NFATC2: variants seen among roughly 807,000 people sequenced by gnomAD.
NFATC2 encodes the protein nuclear factor of activated T-cells, cytoplasmic 2.
Under a neutral mutation model 87.3 loss-of-function variants are expected in NFATC2, and 22 were observed. The ratio of observed to expected loss-of-function variants is 0.25; its 90% CI spans 0.18 to 0.36. The LOEUF is 0.36. Among genes scored for constraint, NFATC2 ranks in the 10% least tolerant of loss-of-function variants. NFATC2 has a pLI of 1.00. For synonymous variants in NFATC2, 565 were observed against 542.2 expected (o/e 1.04, Z -0.58); for missense variants, 1,149 against 1,259.1 (o/e 0.91, Z 1.32).
chr20:51,435,803 G>C (rs773067347), intron 6 of NFATC2, 42 bp from the exon 7 acceptor site: 5 of 1,532,908 alleles, frequency 3.3e-6, no homozygotes, highest in Admixed American at 3.8e-5. Flanking sequence ...GGAACTATTA[G>C]AAACCAAAGA....
At chr20:51,549,227 A>G (rs1377722201) in intron 1 of NFATC2, among the ~76,000 whole-genome samples, 1 of 151,816 alleles carries the variant, frequency 6.6e-6, no homozygotes, top group African/African-American at 2.4e-5. Context: ...CTGTTATAGA[A>G]AATATGTAAA....
chr20:51,534,125 A>G (rs974834090), intron 1 of NFATC2, among the ~76,000 whole-genome samples: 1 of 152,126 alleles, frequency 6.6e-6, no homozygotes, highest in Non-Finnish European at 1.5e-5. Flanking sequence ...CCCTGGAGAT[A>G]GCTACTCCGA....
intron 5 of NFATC2, among the ~76,000 whole-genome samples, chr20:51,468,787 C>T (rs1281944227): frequency 6.6e-6 from 1 of 152,216 alleles, no homozygotes; most frequent in Non-Finnish European, 1.5e-5. Context: ...CAAAGGGGGG[C>T]ACCCCGTACC....
At chr20:51,496,075 C>G (rs998474373) in intron 3 of NFATC2, among the ~76,000 whole-genome samples, 6 of 152,068 alleles carry the variant, frequency 3.9e-5, no homozygotes, top group Non-Finnish European at 8.8e-5. Context: ...CAACAAGATG[C>G]CCAGAGGAGC....
upstream of NFATC2, among the ~76,000 whole-genome samples, chr20:51,545,574 T>A (rs1459762759): frequency 2.6e-5 from 4 of 152,048 alleles, no homozygotes; most frequent in Admixed American, 6.6e-5. Flanking sequence ...GAATGGAAGA[T>A]GGATGCATGG....
intron 7 of NFATC2, 127 bp downstream of exon 7, chr20:51,435,579 T>A: frequency 9.7e-7 from 1 of 1,032,078 alleles, no homozygotes; most frequent in Non-Finnish European, 1.4e-6. Context: ...AATATGCACA[T>A]ATTGAGTACC....
chr20:51,487,883 T>G (rs1206381209), intron 3 of NFATC2, among the ~76,000 whole-genome samples: 3 of 152,150 alleles, frequency 2.0e-5, no homozygotes, highest in Non-Finnish European at 4.4e-5. Flanking sequence ...AGATCCAGTT[T>G]CTTTCATTTC....
chr20:51,432,246 G>A lies in NFATC2; in HGVS notation c.2543C>T (p.Pro848Leu), dbSNP rs145231526. 1,025 of 1,614,168 alleles carry A rather than the reference G, an allele frequency of 6.4e-4. 4 individuals are homozygous for A. In the African/African-American group the frequency reaches 8.2e-3, roughly 13 times the overall value. Residue 848 changes from proline (P) to leucine (L), a missense_variant, in exon 9 of 11, where the codon CCG (proline) becomes CTG (leucine). By Grantham distance (98) the Pro-to-Leu change is moderately conservative. Around this residue, in one of 3 missense-constraint regions of NFATC2, gnomAD observed 581 missense variants for 649.7 expected, o/e 0.89. Coordinates refer to ENST00000371564, the MANE Select transcript of NFATC2 (RefSeq NM_012340.5). The surrounding 1 kb of genome is among the most constrained non-coding windows in gnomAD (Gnocchi z 4.6). Reference sequence around the variant, plus strand: ...GCTCAGCCTCTGACCTTGACTGACCGGGGGCGGGCCAGGTCTGGTGGTGCC... The same window carrying A: ...GCTCAGCCTCTGACCTTGACTGACCAGGGGCGGGCCAGGTCTGGTGGTGCC... ...APGTTRPGPP[P>L]VSQGQRLSPG...
intron 3 of NFATC2, among the ~76,000 whole-genome samples, chr20:51,494,592 G>A (rs2075957503): frequency 6.6e-6 from 1 of 151,998 alleles, no homozygotes; most frequent in Admixed American, 6.6e-5. Flanking sequence ...TGAATCCTAG[G>A]GCTGAGAACC....
intron 6 of NFATC2, among the ~76,000 whole-genome samples, chr20:51,441,367 A>G (rs1324091227): frequency 6.6e-6 from 1 of 152,136 alleles, no homozygotes; most frequent in Non-Finnish European, 1.5e-5. Flanking sequence ...AAGTTTACTC[A>G]CTGTGTGGCC....
intron 5 of NFATC2, among the ~76,000 whole-genome samples, chr20:51,455,896 G>GTGGGTGGGTGGA (rs1986427387): frequency 1.9e-4 from 1 of 5,316 alleles, no homozygotes; most frequent in African/African-American, 5.0e-4. Flanking sequence ...GAGTGGATGG[G>GTGGGTGGGTGGA]TGGGTGGGTG....
Position 51,418,951 on chromosome 20 carries a change from A to ATC in NFATC2, c.2722+13115_2722+13116insGA, listed in dbSNP as rs1555873320. ...AGTGCTGGGATTATAGGCGTGAGCCACCCCCACCGCCCTAGGTTTTCTTTA... is the reference window on the plus strand; with the variant it reads ...AGTGCTGGGATTATAGGCGTGAGCCATCCCCCCACCGCCCTAGGTTTTCTTTA... On this transcript the variant is annotated intron_variant, in intron 9 of 10. Coordinates refer to ENST00000371564, the MANE Select transcript of NFATC2 (RefSeq NM_012340.5). 7.9e-4 allele frequency among the ~76,000 whole-genome samples: 115 copies of ATC among 145,958 alleles called. 4 individuals are homozygous for ATC. The highest frequency in any genetic ancestry group is 2.9e-3 in the African/African-American group (108 of 37,320).
At chr20:51,557,121 C>A (rs986911763) in intron 1 of NFATC2, among the ~76,000 whole-genome samples, 1 of 152,134 alleles carries the variant, frequency 6.6e-6, no homozygotes, top group East Asian at 1.9e-4. Flanking sequence ...CCATAAAATG[C>A]CTTGACCACT....
At chr20:51,428,749 C>A (rs1982244994) in intron 9 of NFATC2, among the ~76,000 whole-genome samples, 1 of 152,208 alleles carries the variant, frequency 6.6e-6, no homozygotes, top group Non-Finnish European at 1.5e-5. Flanking sequence ...GTGACTGCTT[C>A]CTTTTCCAGC....
At chr20:51,434,802 T>A (rs1983315143) in intron 8 of NFATC2, among the ~76,000 whole-genome samples, 1 of 152,134 alleles carries the variant, frequency 6.6e-6, no homozygotes, top group Non-Finnish European at 1.5e-5. Context: ...GGGGGTCACA[T>A]AAAGATTCTG....
At chr20:51,414,836 A>G (rs966883290) in intron 9 of NFATC2, among the ~76,000 whole-genome samples, 2 of 152,182 alleles carry the variant, frequency 1.3e-5, no homozygotes, top group African/African-American at 2.4e-5. Context: ...TCATGCATAC[A>G]CACAGCCGGA....
chr20:51,432,023 AG>A lies in NFATC2; in HGVS notation c.2722+43del. On this transcript the variant is annotated intron_variant, in intron 9 of 10. Coordinates refer to ENST00000371564, the MANE Select transcript of NFATC2 (RefSeq NM_012340.5). The surrounding 1 kb of genome is among the most constrained non-coding windows in gnomAD (Gnocchi z 4.6). ...TGAACTTCCTGGGCAGAGATGCTTC[AG>A]GGCACCATCCTTACAGGCAGTGACA... The A allele has an allele frequency of 6.7e-7, 1 of 1,498,454 alleles. No homozygotes were observed. Among genetic ancestry groups the A allele is most frequent in the Non-Finnish European group, 8.9e-7 (1 of 1,120,078 alleles). The allele number at this position is 1,498,454 out of a possible 1,614,324, so 92.8% of individuals were successfully genotyped here. A position where few individuals can be genotyped will look rare whatever the true frequency, so the allele number is the denominator to read the frequency against.
At chr20:51,540,575 T>C (rs1390545160) in intron 1 of NFATC2, among the ~76,000 whole-genome samples, 1 of 151,842 alleles carries the variant, frequency 6.6e-6, no homozygotes, top group Non-Finnish European at 1.5e-5. Flanking sequence ...AAACAGGGTA[T>C]TGGGTATATG....
chr20:51,526,184 G>A (rs1039094403), intron 1 of NFATC2, among the ~76,000 whole-genome samples: 7 of 151,950 alleles, frequency 4.6e-5, no homozygotes, highest in African/African-American at 1.2e-4. Flanking sequence ...AGCTCCCGTC[G>A]CACCAGGTAT....
Sources: allele counts gnomAD v4.1 joint callset (sites outside exome capture counted in the v4.1 genomes callset), GRCh38; gene constraint gnomAD v4.1.1; regional missense constraint gnomAD v4.1.1; non-coding constraint Gnocchi (gnomAD v3.1); transcripts MANE v1.5; gene names NCBI Gene and HGNC (gene_info 2026-07-23, HGNC 2026-07-21).